Variants in AKAP6 observed in about 807,000 individuals in gnomAD.
AKAP6 encodes the protein A-kinase anchoring protein 6, also known as A-kinase anchor protein 6.
Under a neutral mutation model 188.5 loss-of-function variants are expected in AKAP6, and 58 were observed. The ratio of observed to expected loss-of-function variants is 0.31; its 90% CI spans 0.25 to 0.38. The LOEUF (loss-of-function observed/expected upper bound fraction) is 0.38. Ranked by LOEUF, AKAP6 falls within the 10% of genes least tolerant of loss-of-function variation. AKAP6 has a pLI of 1.00. For missense variants in AKAP6, 2,710 were observed against 2,740.0 expected (o/e 0.99, Z 0.24); for synonymous variants, 989 against 998.6 (o/e 0.99, Z 0.18).
chr14:32,775,209 A>T (rs555610874), intron 12 of AKAP6, among the ~76,000 whole-genome samples: 50 of 152,234 alleles, frequency 3.3e-4, no homozygotes, highest in African/African-American at 1.1e-3. Flanking sequence ...GGAAGGGCAG[A>T]TGAGATTATT....
intron 9 of AKAP6, among the ~76,000 whole-genome samples, chr14:32,713,154 T>C (rs144322161): frequency 6.6e-6 from 1 of 152,158 alleles, no homozygotes; most frequent in African/African-American, 2.4e-5. Context: ...CAACGAGCAG[T>C]AATATTTTGA....
At chr14:32,576,803 A>G (rs1269991909) in intron 4 of AKAP6, among the ~76,000 whole-genome samples, 1 of 152,088 alleles carries the variant, frequency 6.6e-6, no homozygotes, top group Non-Finnish European at 1.5e-5. Flanking sequence ...GATGCTTGTC[A>G]GACACCAGAA....
chr14:32,469,809 CTGTT>C lies in AKAP6; in HGVS notation c.324+35994_324+35997del, dbSNP rs1320006608. Among the ~76,000 whole-genome samples, 3 of 151,390 alleles carry C rather than the reference CTGTT, an allele frequency of 2.0e-5. No individual in the cohort carries two copies. In the East Asian group the frequency reaches 5.8e-4, roughly 29 times the overall value. ...TTATGATACAGAGATTGCATTATGTCTGTTTCCAAAATGAAAGATTATGCCTTCA... is the reference window on the plus strand; with the variant it reads ...TTATGATACAGAGATTGCATTATGTCTCCAAAATGAAAGATTATGCCTTCA... On this transcript the variant is annotated intron_variant, in intron 2 of 13. Transcript: ENST00000280979.
chr14:32,659,167 A>G (rs548354178), intron 7 of AKAP6, among the ~76,000 whole-genome samples: 12 of 152,278 alleles, frequency 7.9e-5, no homozygotes, highest in East Asian at 1.9e-4. Flanking sequence ...TGCTACATTC[A>G]TGGCTGCTCC....
At chr14:32,621,338 T>C (rs1225607109) in intron 7 of AKAP6, among the ~76,000 whole-genome samples, 2 of 152,118 alleles carry the variant, frequency 1.3e-5, no homozygotes, top group Admixed American at 1.3e-4. Flanking sequence ...CTCTTACCAT[T>C]GCTTTTGCTG....
Position 32,417,068 on chromosome 14 carries a change from C to T in AKAP6, c.-34-16392C>T, listed in dbSNP as rs577872810. Reference sequence around the variant, plus strand: ...TGTTTGCTAGGCTGGTCTCGAGCTCCTGTTTTCAAATGATCTGCCCGCCTC... The same window carrying T: ...TGTTTGCTAGGCTGGTCTCGAGCTCTTGTTTTCAAATGATCTGCCCGCCTC... On this transcript the variant is annotated intron_variant, in intron 1 of 13. Transcript: ENST00000280979. 2.6e-5 allele frequency among the ~76,000 whole-genome samples: 4 copies of T among 152,266 alleles called. No homozygotes were observed. In the East Asian group the frequency reaches 7.7e-4, roughly 29 times the overall value.
At chr14:32,756,315 G>A (rs762167831) in intron 11 of AKAP6, among the ~76,000 whole-genome samples, 2 of 152,256 alleles carry the variant, frequency 1.3e-5, no homozygotes, top group Non-Finnish European at 2.9e-5. Flanking sequence ...ATAGGCCAGT[G>A]CTTGGGTCTT....
chr14:32,471,174 C>T (rs1213465668), intron 2 of AKAP6, among the ~76,000 whole-genome samples: 1 of 152,096 alleles, frequency 6.6e-6, no homozygotes, highest in African/African-American at 2.4e-5. Context: ...AACTTCAAGG[C>T]AGTTTTGTAT....
At chr14:32,563,311 A>G (rs1884035165) in intron 4 of AKAP6, among the ~76,000 whole-genome samples, 1 of 152,054 alleles carries the variant, frequency 6.6e-6, no homozygotes, top group East Asian at 1.9e-4. Context: ...AGGTGACTTG[A>G]CCTCTCCGTG....
At chr14:32,475,854 A>AT (rs1191135359) in intron 2 of AKAP6, among the ~76,000 whole-genome samples, 191 of 145,324 alleles carry the variant, frequency 1.3e-3, no homozygotes, top group Non-Finnish European at 2.1e-3. Flanking sequence ...ATTTTTTTGT[A>AT]TTTTTTTTTT....
At chr14:32,367,333 G>A (rs1887868841) in intron 1 of AKAP6, among the ~76,000 whole-genome samples, 1 of 152,186 alleles carries the variant, frequency 6.6e-6, no homozygotes, top group South Asian at 2.1e-4. Context: ...ATATGAAGTG[G>A]TTAGAAGTGT....
At chr14:32,542,449 A>G (rs1253540723) in intron 3 of AKAP6, among the ~76,000 whole-genome samples, 2 of 152,228 alleles carry the variant, frequency 1.3e-5, no homozygotes, top group Non-Finnish European at 2.9e-5. Flanking sequence ...GGGAAAAACA[A>G]ATTGATCAGA....
At chr14:32,585,720 G>A (rs1885205224) in intron 5 of AKAP6, among the ~76,000 whole-genome samples, 1 of 152,166 alleles carries the variant, frequency 6.6e-6, no homozygotes, top group African/African-American at 2.4e-5. Flanking sequence ...GGAGTGCAGA[G>A]AAAAATTTTA....
Position 32,567,050 on chromosome 14 carries a change from G to A in AKAP6, c.2347-10070G>A, listed in dbSNP as rs563383619. Among the ~76,000 whole-genome samples, 9 of 152,216 alleles carry A rather than the reference G, an allele frequency of 5.9e-5. No homozygotes were observed. The South Asian group carries it at 1.9e-3, about 32-fold the overall frequency. ...CAATCCTCCCACCTCAGCTTCCAGAGTAGCTGGACTACAGGTGCACACCAC... is the reference window on the plus strand; with the variant it reads ...CAATCCTCCCACCTCAGCTTCCAGAATAGCTGGACTACAGGTGCACACCAC... On this transcript the variant is annotated intron_variant, in intron 4 of 13. Transcript: ENST00000280979.
At chr14:32,815,715 C>T (rs956529000) in intron 12 of AKAP6, among the ~76,000 whole-genome samples, 2 of 152,308 alleles carry the variant, frequency 1.3e-5, no homozygotes, top group Non-Finnish European at 2.9e-5. Context: ...GCCATACTAT[C>T]GTCTCCTCAC....
chr14:32,576,769 C>A (rs1460523016), intron 4 of AKAP6, among the ~76,000 whole-genome samples: 1 of 152,144 alleles, frequency 6.6e-6, no homozygotes, highest in Non-Finnish European at 1.5e-5. Context: ...TCCTAGCAGA[C>A]CTGACCTGAT....
Position 32,696,014 on chromosome 14 carries a change from T to C in AKAP6, c.2904T>C (p.Tyr968=). 6.2e-7 allele frequency: 1 copy of C among 1,613,428 alleles called. No homozygotes were observed. Among genetic ancestry groups the C allele is most frequent in the Non-Finnish European group, 8.5e-7 (1 of 1,179,788 alleles). ...GGCTTCTGGACTTTGATTCAGAATA[T>C]CAGGAGCTCTGGGATTGGCTGATTG... The part of the protein sequence containing the change: ...SNGLLDFDSE[Y]QELWDWLIDM... The change falls in exon 9 of 14, where the codon TAT becomes TAC. Residue 968 remains tyrosine, a synonymous_variant. Coordinates refer to ENST00000280979, the MANE Select transcript of AKAP6 (RefSeq NM_004274.5).
At chr14:32,735,582 T>G in intron 10 of AKAP6, 76 bp from the exon 11 acceptor site, 1 of 1,139,968 alleles carries the variant, frequency 8.8e-7, no homozygotes, top group Non-Finnish European at 1.2e-6. Flanking sequence ...TAATCTATGT[T>G]TTTGTTTTTT....
intron 2 of AKAP6, among the ~76,000 whole-genome samples, chr14:32,444,987 A>G (rs904986806): frequency 1.3e-5 from 2 of 152,326 alleles, no homozygotes; most frequent in South Asian, 2.1e-4. Flanking sequence ...GTATGTATCT[A>G]TGCTCCTATC....
Sources: allele counts gnomAD v4.1 joint callset (sites outside exome capture counted in the v4.1 genomes callset), GRCh38; gene constraint gnomAD v4.1.1; transcripts MANE v1.5; gene names NCBI Gene and HGNC (gene_info 2026-07-23, HGNC 2026-07-21).